Variants in DNAH10 observed in about 807,000 individuals in gnomAD.
DNAH10 encodes axonemal beta dynein heavy chain 10.
In DNAH10, 348 loss-of-function variants were observed where a neutral mutation model predicts 506.6. That is an observed-to-expected ratio of 0.69 (90% CI 0.63 to 0.75). DNAH10 has a LOEUF of 0.75. Ranked by LOEUF, DNAH10 falls within the 30% of genes least tolerant of loss-of-function variation. DNAH10 has a pLI of 0.00. For synonymous variants in DNAH10, 2,059 were observed against 2,198.6 expected, an observed-to-expected ratio of 0.94 and a Z score of 1.78; for missense variants, 5,179 against 5,787.1, an observed-to-expected ratio of 0.89 and a Z score of 3.41.
chr12:123,789,131 C>T (rs1443726042), intron 10 of DNAH10, among the ~76,000 whole-genome samples: 4 of 151,582 alleles, frequency 2.6e-5, no homozygotes, highest in Non-Finnish European at 4.4e-5. Context: ...GCCTGTAATC[C>T]CAGCTATTTG....
At position 123,787,779 on chromosome 12, in the gene DNAH10, A is replaced by G. The variant is rs138266985; in HGVS notation, c.1422-25A>G. On this transcript the variant is annotated intron_variant, in intron 9 of 78. Transcript: ENST00000673944. This position sits in a 1 kb window ranked among gnomAD's most constrained non-coding sequence, Gnocchi z 4.6. ...GGACCCGGAGCTCCGCCCTCCTCCC[A>G]TCACGGCATCTCTTGGCTTCGCAGA... 8.5e-4 allele frequency: 1,369 copies of G among 1,606,430 alleles called. 11 individuals carry two copies. The African/African-American group carries it at 0.016, about 18-fold the overall frequency.
intron 19 of DNAH10, among the ~76,000 whole-genome samples, chr12:123,811,758 C>T (rs1374912570): frequency 6.6e-6 from 1 of 152,158 alleles, no homozygotes; most frequent in African/African-American, 2.4e-5. Context: ...CCACCTCGGC[C>T]TCCCAAAGTG....
intron 43 of DNAH10, among the ~76,000 whole-genome samples, chr12:123,868,680 C>G (rs1018716750): frequency 2.6e-5 from 4 of 152,158 alleles, no homozygotes; most frequent in African/African-American, 7.2e-5. Context: ...ATGGTAGGAC[C>G]CTTCTTTATC....
intron 53 of DNAH10, among the ~76,000 whole-genome samples, 170 bp from the exon 54 acceptor site, chr12:123,894,473 G>A (rs575541449): frequency 6.6e-6 from 1 of 152,200 alleles, no homozygotes; most frequent in East Asian, 1.9e-4. Flanking sequence ...GTCCAGGCTG[G>A]TCTTGAACTC....
chr12:123,823,908 A>G (rs144482229), intron 24 of DNAH10, among the ~76,000 whole-genome samples: 2,640 of 152,268 alleles, frequency 0.017, 80 homozygotes, highest in African/African-American at 0.06. Context: ...ATATTGAGAC[A>G]TAGCTTGGTC....
At chr12:123,779,413 T>G (rs935799139) in intron 5 of DNAH10, among the ~76,000 whole-genome samples, 1 of 152,210 alleles carries the variant, frequency 6.6e-6, no homozygotes, top group Non-Finnish European at 1.5e-5. Flanking sequence ...AGGGGACCAC[T>G]GTACTATTTC....
intron 46 of DNAH10, 79 bp downstream of exon 46, chr12:123,873,789 G>C: frequency 6.8e-7 from 1 of 1,474,020 alleles, no homozygotes; most frequent in African/African-American, 1.4e-5. Flanking sequence ...TGTGTTAGAA[G>C]TGAGTATGAG....
At chr12:123,817,141 T>G (rs1959167505) in intron 21 of DNAH10, among the ~76,000 whole-genome samples, 1 of 151,502 alleles carries the variant, frequency 6.6e-6, no homozygotes, top group Non-Finnish European at 1.5e-5. Flanking sequence ...TAAGAATTTT[T>G]TTTTGGTCTT....
chr12:123,921,019 T>TGC (rs1954697111), intron 65 of DNAH10, among the ~76,000 whole-genome samples: 1 of 152,204 alleles, frequency 6.6e-6, no homozygotes, highest in African/African-American at 2.4e-5. Context: ...GGGATCCTCC[T>TGC]GCCTCGGCCT....
At chr12:123,851,610 T>C (rs545199415) in intron 35 of DNAH10, among the ~76,000 whole-genome samples, 7 of 152,226 alleles carry the variant, frequency 4.6e-5, no homozygotes, top group African/African-American at 9.6e-5. Flanking sequence ...AACCAGGGAG[T>C]TGGTGTTGGC....
At chr12:123,788,139 A>G (rs1565903849) in intron 10 of DNAH10, 137 bp downstream of exon 10, 4 of 1,002,358 alleles carry the variant, frequency 4.0e-6, no homozygotes, top group Non-Finnish European at 4.5e-6. Context: ...GAAAGAACCT[A>G]CGGAATATAC....
intron 28 of DNAH10, among the ~76,000 whole-genome samples, chr12:123,836,892 G>A (rs899727536): frequency 1.3e-4 from 19 of 150,490 alleles, no homozygotes; most frequent in South Asian, 2.1e-4. Context: ...TCGCTCTGTC[G>A]CCCAGGCTGG....
rs1421143944 is a variant in DNAH10, at chr12:123,925,372, G to C, written c.11921+168G>C. 2 of 932,098 alleles carry C rather than the reference G, an allele frequency of 2.1e-6. No homozygotes were observed. The allele number at this position is 932,098 out of a possible 1,614,324, so 57.7% of individuals were successfully genotyped here. ...TATTCTAGAATTCTTCAATATTCTA[G>C]AACAGTGCTAGTCATAAGAAATTCA... is the stretch of plus-strand genomic sequence containing the variant. On this transcript the variant is annotated intron_variant, in intron 68 of 78. Coordinates refer to ENST00000673944, the MANE Select transcript of DNAH10 (RefSeq NM_001372106.1). This position sits in a 1 kb window ranked among gnomAD's most constrained non-coding sequence, Gnocchi z 4.0.
chr12:123,935,262 T>TA (rs998106834), intron 78 of DNAH10, 73 bp from the exon 79 acceptor site: 1 of 1,558,484 alleles, frequency 6.4e-7, no homozygotes, highest in African/African-American at 1.4e-5. Context: ...TGTCAAGACT[T>TA]ACACTGCACC....
intron 28 of DNAH10, 80 bp downstream of exon 28, chr12:123,835,608 A>G (rs1440588439): frequency 6.6e-7 from 1 of 1,509,300 alleles, no homozygotes; most frequent in African/African-American, 1.4e-5. Context: ...TGCACATTGT[A>G]TTTTCTCCAT....
Position 123,861,069 on chromosome 12 carries a change from A to G in DNAH10, c.6807A>G (p.Glu2269=), listed in dbSNP as rs1411093572. The change falls in exon 39 of 79, where the codon GAA becomes GAG. Residue 2269 remains glutamate, a synonymous_variant. Transcript: ENST00000673944. ...ACCCCAAAGCCGTGAGTGTCATAGA[A>G]CTCTACGGCATCCTGGACCCAACCA... The part of the protein sequence containing the change: ...ILNPKAVSVI[E]LYGILDPTTR... 7 of 1,613,852 alleles carry G rather than the reference A, an allele frequency of 4.3e-6. No homozygotes were observed. The highest frequency in any genetic ancestry group is 5.9e-6 in the Non-Finnish European group (7 of 1,179,862).
Position 123,868,003 on chromosome 12 carries a change from T to G in DNAH10, c.7403T>G (p.Leu2468Arg). 6.2e-7 allele frequency: 1 copy of G among 1,613,954 alleles called. No individual in the cohort carries two copies. The highest frequency in any genetic ancestry group is 1.1e-5 in the South Asian group (1 of 91,076). Residue 2468 changes from leucine (L) to arginine (R), a missense_variant, in exon 43 of 79, where the codon CTG becomes CGG. Leu to Arg is a moderately radical substitution (Grantham distance 102). Coordinates refer to ENST00000673944, the MANE Select transcript of DNAH10 (RefSeq NM_001372106.1). ...CYFLEALYCS[L>R]GASLLEDGRM... ...TTCCTGGAGGCTTTGTACTGCTCTC[T>G]GGGAGCCTCCCTGCTTGAGGATGGA... is the stretch of plus-strand genomic sequence containing the variant.
rs1960751673 is a variant in DNAH10 at position 123,833,100 on chromosome 12, C to G, written c.4546-14C>G. The G allele has an allele frequency of 1.3e-6, 2 of 1,581,798 alleles. No individual in the cohort carries two copies. The highest frequency in any genetic ancestry group is 1.8e-5 in the Admixed American group (1 of 56,596). ...TTCGTGTGCCTGAATCATTCTTTTT[C>G]TATTCCTGAACAGGCTGTGAAGGAA... is the stretch of plus-strand genomic sequence containing the variant. On this transcript the variant is annotated splice_polypyrimidine_tract_variant and intron_variant, in intron 26 of 78. Coordinates refer to ENST00000673944, the MANE Select transcript of DNAH10 (RefSeq NM_001372106.1).
rs1294696912 is a variant in DNAH10 at position 123,902,501 on chromosome 12, G to A, written c.9641-438G>A. ...TCAGCAAGGAAGGGAGAGAGAGGAC[G>A]ACAGAGGGGCAGGCTCCTTAGAGGG... On this transcript the variant is annotated intron_variant, in intron 56 of 78. Coordinates refer to ENST00000673944, the MANE Select transcript of DNAH10 (RefSeq NM_001372106.1). This position sits in a 1 kb window ranked among gnomAD's most constrained non-coding sequence, Gnocchi z 4.5. Among the ~76,000 whole-genome samples the A allele has an allele frequency of 9.2e-5, 14 of 152,286 alleles. No individual in the cohort carries two copies. In the South Asian group the frequency reaches 2.3e-3, roughly 25 times the overall value.
Sources: allele counts gnomAD v4.1 joint callset (sites outside exome capture counted in the v4.1 genomes callset), GRCh38; gene constraint gnomAD v4.1.1; non-coding constraint Gnocchi (gnomAD v3.1); transcripts MANE v1.5; gene names NCBI Gene and HGNC (gene_info 2026-07-23, HGNC 2026-07-21).